TBC1D22A: variants seen among roughly 807,000 people sequenced by gnomAD.
TBC1D22A encodes the protein putative GTPase activator.
Under a neutral mutation model 60.2 loss-of-function variants are expected in TBC1D22A, and 38 were observed. That is an observed-to-expected ratio of 0.63 (90% CI 0.49 to 0.83). The LOEUF is 0.83. Among genes scored for constraint, TBC1D22A ranks in the 40% least tolerant of loss-of-function variants. The pLI, the probability that TBC1D22A is intolerant of heterozygous loss-of-function variation, is 0.00. For missense variants in TBC1D22A, 628 were observed against 701.0 expected (o/e 0.90, Z 1.18); for synonymous variants, 302 against 281.7 (o/e 1.07, Z -0.72).
chr22:46,994,734 G>T (rs1334834173), intron 9 of TBC1D22A, among the ~76,000 whole-genome samples: 1 of 152,178 alleles, frequency 6.6e-6, no homozygotes, highest in East Asian at 1.9e-4. Context: ...CAGCTATATT[G>T]TTCAACCGGG....
chr22:47,127,963 T>TCC (rs2147107235), intron 12 of TBC1D22A, among the ~76,000 whole-genome samples: 1 of 23,978 alleles, frequency 4.2e-5, no homozygotes, highest in South Asian at 1.9e-3. Flanking sequence ...CCACCCGTCC[T>TCC]TCCCTCCACC....
At position 47,132,804 on chromosome 22, in the gene TBC1D22A, G is replaced by C. The variant is rs1368880239; in HGVS notation, c.1425+21201G>C. Among the ~76,000 whole-genome samples the C allele has an allele frequency of 3.3e-5, 5 of 152,198 alleles. No homozygotes were observed. The East Asian group carries it at 9.6e-4, about 29-fold the overall frequency. On this transcript the variant is annotated intron_variant, in intron 12 of 12. Coordinates refer to ENST00000337137, the MANE Select transcript of TBC1D22A (RefSeq NM_014346.5). ...TGGCTTGAAGGCGGGCTGTTTGCTG[G>C]GGATGCAGGAAACTCCCGAGTGTCC...
chr22:47,139,380 C>T (rs767229628), intron 12 of TBC1D22A, among the ~76,000 whole-genome samples: 6 of 152,212 alleles, frequency 3.9e-5, no homozygotes, highest in Admixed American at 6.5e-5. Flanking sequence ...AGCAGGTGTG[C>T]ACCTCGAGAC....
intron 10 of TBC1D22A, among the ~76,000 whole-genome samples, chr22:47,015,409 A>T (rs1361614070): frequency 6.6e-6 from 1 of 152,204 alleles, no homozygotes; most frequent in Non-Finnish European, 1.5e-5. Context: ...TGACTGAATT[A>T]TAGAGGTGTG....
intron 12 of TBC1D22A, among the ~76,000 whole-genome samples, chr22:47,113,950 G>T (rs899024168): frequency 6.6e-6 from 1 of 152,134 alleles, no homozygotes; most frequent in Admixed American, 6.5e-5. Flanking sequence ...TCATGTGGTG[G>T]TCCCATCCAG....
At chr22:47,003,078 A>G (rs1162660214) in intron 10 of TBC1D22A, among the ~76,000 whole-genome samples, 1 of 152,184 alleles carries the variant, frequency 6.6e-6, no homozygotes, top group Non-Finnish European at 1.5e-5. Flanking sequence ...CGGAACCTCC[A>G]AGGGCTAGGG....
chr22:46,817,241 A>G (rs530702327), intron 4 of TBC1D22A, among the ~76,000 whole-genome samples: 13 of 151,246 alleles, frequency 8.6e-5, no homozygotes, highest in African/African-American at 3.2e-4. Context: ...CTGTAAGTAT[A>G]TGAGGATACT....
chr22:47,095,632 A>G (rs1342151169), intron 11 of TBC1D22A, among the ~76,000 whole-genome samples: 6 of 152,128 alleles, frequency 3.9e-5, no homozygotes, highest in Admixed American at 2.6e-4. Context: ...CCGTCTCCCA[A>G]CTGGGAACTG....
intron 7 of TBC1D22A, among the ~76,000 whole-genome samples, chr22:46,900,918 C>T (rs2068958431): frequency 6.6e-6 from 1 of 152,222 alleles, no homozygotes. Flanking sequence ...AAAGGGAAGT[C>T]TTTTAACGTT....
At chr22:46,986,369 T>A (rs2148187576) in intron 9 of TBC1D22A, among the ~76,000 whole-genome samples, 1 of 152,250 alleles carries the variant, frequency 6.6e-6, no homozygotes, top group East Asian at 1.9e-4. Context: ...CTTTGCATTT[T>A]TATATAAAGT....
intron 7 of TBC1D22A, among the ~76,000 whole-genome samples, chr22:46,910,200 TC>T (rs1251445658): frequency 1.8e-4 from 27 of 152,268 alleles, no homozygotes; most frequent in African/African-American, 6.3e-4. Flanking sequence ...AGGTGGTGGC[TC>T]TGTTACTCAC....
At chr22:47,033,677 C>G (rs944756445) in intron 10 of TBC1D22A, among the ~76,000 whole-genome samples, 5 of 152,186 alleles carry the variant, frequency 3.3e-5, no homozygotes, top group Non-Finnish European at 7.3e-5. Flanking sequence ...CTGGAAGCAT[C>G]CAGGAGTTTT....
chr22:47,117,216 G>T, intron 12 of TBC1D22A: 1 of 159,774 alleles, frequency 6.3e-6, no homozygotes, highest in South Asian at 1.5e-4. Context: ...GAGCAGGGAC[G>T]GGGCAGGATG....
chr22:47,127,612 C>T (rs1211519266), intron 12 of TBC1D22A, among the ~76,000 whole-genome samples: 1 of 152,008 alleles, frequency 6.6e-6, no homozygotes, highest in Non-Finnish European at 1.5e-5. Flanking sequence ...GCACCTGTGG[C>T]CAGCTTGCTC....
chr22:47,010,191 G>T (rs60589501), intron 10 of TBC1D22A, among the ~76,000 whole-genome samples: 1 of 152,266 alleles, frequency 6.6e-6, no homozygotes, highest in Admixed American at 6.5e-5. Flanking sequence ...TTTTAAGATA[G>T]AATTCAGTTA....
chr22:46,974,482 G>A (rs1316914951), intron 9 of TBC1D22A, 83 bp downstream of exon 9: 2 of 1,153,456 alleles, frequency 1.7e-6, no homozygotes, highest in African/African-American at 3.0e-5. Context: ...CTGCTCCTGA[G>A]TCTCAGTGTG....
chr22:46,798,353 G>A (rs1032745917), intron 4 of TBC1D22A, among the ~76,000 whole-genome samples: 1 of 152,250 alleles, frequency 6.6e-6, no homozygotes, highest in South Asian at 2.1e-4. Flanking sequence ...TTCCTACCAT[G>A]GGGCTTGCAG....
At position 47,147,082 on chromosome 22, in the gene TBC1D22A, G is replaced by A. The variant is rs111645338; in HGVS notation, c.1426-26416G>A. On this transcript the variant is annotated intron_variant, in intron 12 of 12. Coordinates refer to ENST00000337137, the MANE Select transcript of TBC1D22A (RefSeq NM_014346.5). ...CTGCGCAGAAGGAAGGCAGCCAGCCGCCCAGCCTGAGTCCAGAAGGGCGAG... is the reference window on the plus strand; with the variant it reads ...CTGCGCAGAAGGAAGGCAGCCAGCCACCCAGCCTGAGTCCAGAAGGGCGAG... Among the ~76,000 whole-genome samples the A allele has an allele frequency of 2.6e-3, 393 of 152,332 alleles. 4 individuals carry two copies. The highest frequency in any genetic ancestry group is 8.8e-3 in the African/African-American group (367 of 41,574).
chr22:46,820,814 T>G (rs2085793935), intron 4 of TBC1D22A, among the ~76,000 whole-genome samples: 1 of 152,148 alleles, frequency 6.6e-6, no homozygotes, highest in South Asian at 2.1e-4. Context: ...GATCTAATAC[T>G]GATAGTGGGG....
Sources: allele counts gnomAD v4.1 joint callset (sites outside exome capture counted in the v4.1 genomes callset), GRCh38; gene constraint gnomAD v4.1.1; transcripts MANE v1.5; gene names NCBI Gene and HGNC (gene_info 2026-07-23, HGNC 2026-07-21).